The following FRK variants were observed in gnomAD, a reference collection of about 807,000 sequenced individuals.
FRK encodes the protein fyn related Src family tyrosine kinase.
Under a neutral mutation model 56.4 loss-of-function variants are expected in FRK, and 51 were observed. That is an observed-to-expected ratio of 0.90 (90% CI 0.72 to 1.14). The LOEUF (loss-of-function observed/expected upper bound fraction) is 1.14. Among genes scored for constraint, FRK ranks in the 50% most tolerant of loss-of-function variants. The pLI is 0.00. For missense variants in FRK, 570 were observed against 601.4 expected (o/e 0.95, Z 0.55); for synonymous variants, 245 against 217.9 (o/e 1.12, Z -1.10).
intron 2 of FRK, among the ~76,000 whole-genome samples, chr6:115,988,511 GAATT>G (rs1774470673): frequency 6.6e-6 from 1 of 151,942 alleles, no homozygotes; most frequent in African/African-American, 2.4e-5. Flanking sequence ...TTCTTTTTAT[GAATT>G]AATGGGTCAT....
the FRK span, among the ~76,000 whole-genome samples, chr6:116,075,106 T>A: frequency 6.6e-6 from 1 of 152,178 alleles, no homozygotes; most frequent in East Asian, 1.9e-4. Context: ...CACTTGCTTG[T>A]TGAACTCTTC....
At chr6:116,005,470 G>T (rs915333012) in intron 1 of FRK, among the ~76,000 whole-genome samples, 4 of 152,178 alleles carry the variant, frequency 2.6e-5, no homozygotes, top group Non-Finnish European at 5.9e-5. Context: ...ACTCAGGAAT[G>T]AACCCACTGG....
intron 2 of FRK, among the ~76,000 whole-genome samples, chr6:115,996,876 G>T (rs777010789): frequency 1.7e-4 from 26 of 152,218 alleles, no homozygotes; most frequent in Non-Finnish European, 3.4e-4. Flanking sequence ...CAACATGAAG[G>T]ATACACACAA....
chr6:116,015,317 T>A (rs1775608970), intron 1 of FRK, among the ~76,000 whole-genome samples: 1 of 152,212 alleles, frequency 6.6e-6, no homozygotes. Context: ...CCATGTAAGA[T>A]GTGCCTTGCT....
chr6:116,002,014 A>G (rs983239762), intron 2 of FRK, among the ~76,000 whole-genome samples: 3 of 152,204 alleles, frequency 2.0e-5, no homozygotes, highest in Non-Finnish European at 4.4e-5. Context: ...GCATAAAAAT[A>G]TACTTATAGG....
At chr6:115,978,579 A>G (rs1774073676) in intron 2 of FRK, among the ~76,000 whole-genome samples, 1 of 152,152 alleles carries the variant, frequency 6.6e-6, no homozygotes, top group Non-Finnish European at 1.5e-5. Context: ...TATTAATAAA[A>G]ACACATACAC....
At chr6:115,983,480 G>T (rs932152214) in intron 2 of FRK, among the ~76,000 whole-genome samples, 5 of 152,168 alleles carry the variant, frequency 3.3e-5, no homozygotes, top group African/African-American at 1.2e-4. Context: ...ATACTAGGTT[G>T]CGCATTACCT....
chr6:115,975,357 T>A (rs960997785), intron 2 of FRK, among the ~76,000 whole-genome samples: 1 of 152,134 alleles, frequency 6.6e-6, no homozygotes, highest in African/African-American at 2.4e-5. Flanking sequence ...AAAAGCTACA[T>A]CAGGAAAATT....
At chr6:116,085,363 G>A in the FRK span, among the ~76,000 whole-genome samples, 6 of 152,306 alleles carry the variant, frequency 3.9e-5, no homozygotes, top group African/African-American at 1.4e-4. Context: ...GATGATAAAT[G>A]TGTGAAGTAG....
At chr6:116,032,301 T>C (rs1776331392) in intron 1 of FRK, among the ~76,000 whole-genome samples, 1 of 152,064 alleles carries the variant, frequency 6.6e-6, no homozygotes, top group South Asian at 2.1e-4. Context: ...AAAAACATTA[T>C]CTGCAACACA....
chr6:115,942,878 T>C, intron 7 of FRK, 142 bp downstream of exon 7: 1 of 833,140 alleles, frequency 1.2e-6, no homozygotes, highest in Non-Finnish European at 1.9e-6. Context: ...ATTATCATCA[T>C]CAAATTTTAT....
At chr6:115,956,939 T>A (rs896075491) in intron 4 of FRK, among the ~76,000 whole-genome samples, 3 of 152,162 alleles carry the variant, frequency 2.0e-5, no homozygotes, top group African/African-American at 4.8e-5. Flanking sequence ...AAGGAAAACA[T>A]TCTATGAACA....
At chr6:116,100,099 T>G in the FRK span, among the ~76,000 whole-genome samples, 3 of 152,252 alleles carry the variant, frequency 2.0e-5, no homozygotes, top group Non-Finnish European at 2.9e-5. Context: ...AAACCCGGTT[T>G]GCAAAAGTTT....
At chr6:115,958,949 A>T (rs1284374472) in intron 4 of FRK, among the ~76,000 whole-genome samples, 2 of 152,128 alleles carry the variant, frequency 1.3e-5, no homozygotes, top group Non-Finnish European at 2.9e-5. Context: ...CTCATTCCCA[A>T]ATCAGACTAT....
At chr6:116,068,842 A>G in the FRK span, among the ~76,000 whole-genome samples, 6 of 152,292 alleles carry the variant, frequency 3.9e-5, no homozygotes, top group Non-Finnish European at 8.8e-5. Flanking sequence ...TTTAAAAAAA[A>G]AAAAACTTTT....
rs1217871212 is a variant in FRK at position 115,936,279 on chromosome 6, CAGAAAGGAAT to C, written c.*6125_*6134del. 1 of 152,490 alleles carries C rather than the reference CAGAAAGGAAT, an allele frequency of 6.6e-6. No homozygotes were observed. Among genetic ancestry groups the C allele is most frequent in the Non-Finnish European group, 1.5e-5 (1 of 68,294 alleles). The allele number at this position is 152,490 out of a possible 1,614,324, so 9.4% of individuals were successfully genotyped here. A position where few individuals can be genotyped will look rare whatever the true frequency, so the allele number is the denominator to read the frequency against. ...AACTCTTAGAAGGAAAACTAACAAA[CAGAAAGGAAT>C]AGTATGTCCACTCAGAGACCCCATC... On this transcript the variant is annotated 3_prime_UTR_variant, in exon 8 of 8. Transcript: ENST00000606080.
chr6:115,991,912 T>C (rs1774624056), intron 2 of FRK, among the ~76,000 whole-genome samples: 1 of 151,576 alleles, frequency 6.6e-6, no homozygotes, highest in Non-Finnish European at 1.5e-5. Flanking sequence ...GGATTTTTGT[T>C]GTTGGTGGTA....
Position 116,003,877 on chromosome 6 carries a change from C to A in FRK, c.466G>T (p.Val156Phe), listed in dbSNP as rs772704030. The change falls in exon 2 of 8, where the codon GTT becomes TTT. Residue 156 changes from valine to phenylalanine, a missense_variant and splice_region_variant. Transcript: ENST00000606080. ...GAATGACACAAAACAATACCCTTAC[C>A]TGAAAGAGAGAATTCTCCTTTTTGG... Reference protein sequence around the residue: ...ESQKGEFSLSVLDGAVVKHYR... With the variant: ...ESQKGEFSLSFLDGAVVKHYR... 4 of 1,613,410 alleles carry A rather than the reference C, an allele frequency of 2.5e-6. No individual in the cohort carries two copies. In the Admixed American group the frequency reaches 6.7e-5, roughly 27 times the overall value.
rs1360080908 is a variant in FRK at position 115,982,770 on chromosome 6, GTAA to G, written c.467-14034_467-14032del. ...GTGCAAAACATAGCATTCTTTATGA[GTAA>G]TAATAAAAGCTATAGAGGCTTGGTG... is the stretch of plus-strand genomic sequence containing the variant. On this transcript the variant is annotated intron_variant, in intron 2 of 7. Transcript: ENST00000606080. Among the ~76,000 whole-genome samples, 9 of 152,148 alleles carry G rather than the reference GTAA, an allele frequency of 5.9e-5. No individual in the cohort carries two copies. In the South Asian group the frequency reaches 1.7e-3, roughly 28 times the overall value.
Sources: gnomAD v4.1 joint callset for allele counts (sites outside exome capture counted in the v4.1 genomes callset) on GRCh38, gnomAD v4.1.1 for gene constraint, MANE v1.5 for transcripts, NCBI Gene and HGNC (gene_info 2026-07-23, HGNC 2026-07-21) for gene names.